The following GPR155 variants were observed in gnomAD, a reference collection of about 807,000 sequenced individuals.
GPR155 encodes G protein-coupled receptor 155.
GPR155 carries 65 observed loss-of-function variants against 93.1 expected under a neutral mutation model. That is an observed-to-expected ratio of 0.70 (90% CI 0.57 to 0.86). The LOEUF is 0.86. Among genes scored for constraint, GPR155 ranks in the 40% least tolerant of loss-of-function variants. GPR155 has a pLI of 0.00. For synonymous variants in GPR155, 319 were observed against 360.1 expected (o/e 0.89, Z 1.29); for missense variants, 838 against 1,034.8 (o/e 0.81, Z 2.61).
At chr2:174,454,739 A>AAG (rs1256892436) in intron 10 of GPR155, among the ~76,000 whole-genome samples, 2 of 129,990 alleles carry the variant, frequency 1.5e-5, no homozygotes, top group African/African-American at 7.3e-5. Flanking sequence ...AAGGGAAGGA[A>AAG]GGAAAAGGAA....
chr2:174,479,606 T>C (rs904305621), intron 2 of GPR155, among the ~76,000 whole-genome samples: 2 of 152,348 alleles, frequency 1.3e-5, no homozygotes, highest in East Asian at 1.9e-4. Flanking sequence ...TTATAAATGT[T>C]AGTTCTATTT....
At chr2:174,472,750 T>C (rs1160164543) in intron 3 of GPR155, among the ~76,000 whole-genome samples, 3 of 152,206 alleles carry the variant, frequency 2.0e-5, no homozygotes, top group African/African-American at 7.2e-5. Context: ...CCATCATCTT[T>C]ATCCTCTGAC....
chr2:174,471,468 T>TAA (rs10581991), intron 3 of GPR155, among the ~76,000 whole-genome samples: 2 of 130,248 alleles, frequency 1.5e-5, no homozygotes, highest in East Asian at 2.1e-4. Flanking sequence ...TTCATCTTTG[T>TAA]AAAAAAAAAA....
chr2:174,463,120 T>C lies in GPR155; in HGVS notation c.1385-1448A>G, dbSNP rs564009413. 4.4e-5 allele frequency among the ~76,000 whole-genome samples: 3 copies of C among 68,194 alleles called. No homozygotes were observed. The East Asian group carries it at 1.6e-3, about 36-fold the overall frequency. 44.7% of individuals were successfully genotyped at this position (68,194 alleles called of 152,430 possible). A position where few individuals can be genotyped will look rare whatever the true frequency, so the allele number is the denominator to read the frequency against. ...ATGAGAAATTTTAAGTCTTTTTTTT[T>C]TCTTTCTTTTTTTTTTTTCAGTGGT... is the stretch of plus-strand genomic sequence containing the variant. On this transcript the variant is annotated intron_variant, in intron 7 of 15. Transcript: ENST00000392552.
chr2:174,481,940 G>A lies in GPR155; in HGVS notation c.17C>T (p.Pro6Leu). The part of the protein sequence containing the change: MNSNL[P>L]AENLTIAVNM... Reference sequence around the variant, plus strand: ...GACTGCAATGGTTAAGTTCTCTGCAGGTAAATTAGAATTCATTTTCTCTCA... The same window carrying A: ...GACTGCAATGGTTAAGTTCTCTGCAAGTAAATTAGAATTCATTTTCTCTCA... The change falls in exon 2 of 16, where the codon CCT becomes CTT. Residue 6 changes from proline to leucine, a missense_variant. By Grantham distance (98) the Pro-to-Leu change is moderately conservative (BLOSUM62 -3). Around this residue, in one of 3 missense-constraint regions of GPR155, gnomAD observed 663 missense variants for 790.1 expected, o/e 0.84. Coordinates refer to ENST00000392552, the MANE Select transcript of GPR155 (RefSeq NM_152529.7). 6.2e-7 allele frequency: 1 copy of A among 1,607,974 alleles called. No individual in the cohort carries two copies. The highest frequency in any genetic ancestry group is 8.5e-7 in the Non-Finnish European group (1 of 1,175,316).
chr2:174,469,112 C>T (rs1176828620), intron 4 of GPR155, 45 bp from the exon 5 acceptor site: 14 of 1,572,742 alleles, frequency 8.9e-6, no homozygotes, highest in Non-Finnish European at 1.1e-5. Context: ...CTCAATTAAA[C>T]AGTATTTTAA....
intron 1 of GPR155, among the ~76,000 whole-genome samples, chr2:174,486,462 C>A (rs1053941836): frequency 6.6e-6 from 1 of 152,136 alleles, no homozygotes; most frequent in Admixed American, 6.5e-5. Flanking sequence ...ACTAACATAC[C>A]CCAAAAACGG....
At chr2:174,466,954 C>T (rs759972545) in intron 5 of GPR155, among the ~76,000 whole-genome samples, 17 of 151,938 alleles carry the variant, frequency 1.1e-4, no homozygotes, top group Non-Finnish European at 2.1e-4. Context: ...GTCAGGAGTT[C>T]GAGACCAGCC....
Position 174,469,021 on chromosome 2 carries a change from A to G in GPR155, c.1073T>C (p.Met358Thr), listed in dbSNP as rs750815131. ...GGTCAGTAACCAGGCAGAAACGTAC[A>G]TGATGGGAGCAGACACAAATGTGCT... ...VISTFVSAPI[M>T]YVSAWLLTFP... The change falls in exon 5 of 16, where the codon ATG becomes ACG. Residue 358 changes from methionine (M) to threonine (T), a missense_variant. Coordinates refer to ENST00000392552, the MANE Select transcript of GPR155 (RefSeq NM_152529.7). 3.1e-6 allele frequency: 5 copies of G among 1,614,098 alleles called. No homozygotes were observed. The East Asian group carries it at 6.7e-5, about 22-fold the overall frequency.
chr2:174,483,679 G>A (rs988018259), intron 1 of GPR155, among the ~76,000 whole-genome samples: 5 of 151,982 alleles, frequency 3.3e-5, no homozygotes, highest in Non-Finnish European at 7.4e-5. Flanking sequence ...CCGCCTCCCA[G>A]GTTCAAGAGA....
Position 174,470,508 on chromosome 2 carries a change from T to C in GPR155, c.908A>G (p.Lys303Arg), listed in dbSNP as rs1166247738. 2 of 1,613,946 alleles carry C rather than the reference T, an allele frequency of 1.2e-6. No homozygotes were observed. Among genetic ancestry groups the C allele is most frequent in the Non-Finnish European group, 1.7e-6 (2 of 1,179,970 alleles). The change falls in exon 4 of 16, where the codon AAG (lysine) becomes AGG (arginine). Residue 303 changes from lysine (K) to arginine (R), a missense_variant. Coordinates refer to ENST00000392552, the MANE Select transcript of GPR155 (RefSeq NM_152529.7). ...LCREMVELLD[K>R]GDSVVNHTSL... The stretch of plus-strand genomic sequence containing the variant: ...TGTATGGTTCACCACACTGTCGCCC[T>C]TGTCCAAGAGTTCCACCATTTCTCT...
At chr2:174,477,245 T>G (rs1033259438) in intron 2 of GPR155, among the ~76,000 whole-genome samples, 1 of 152,082 alleles carries the variant, frequency 6.6e-6, no homozygotes, top group Non-Finnish European at 1.5e-5. Flanking sequence ...TATGTATACA[T>G]TATGGAATGG....
At chr2:174,478,250 G>T (rs1026196423) in intron 2 of GPR155, among the ~76,000 whole-genome samples, 1 of 151,986 alleles carries the variant, frequency 6.6e-6, no homozygotes, top group Non-Finnish European at 1.5e-5. Context: ...TTTATTTTTT[G>T]AGAGACAGGG....
chr2:174,461,303 T>C (rs1226323990), intron 9 of GPR155, 99 bp downstream of exon 9: 15 of 740,384 alleles, frequency 2.0e-5, no homozygotes, highest in Non-Finnish European at 3.3e-5. Flanking sequence ...TAAATTGAAA[T>C]AGATTTTCAA....
At chr2:174,440,149 G>T in intron 14 of GPR155, 114 bp from the exon 15 acceptor site, 1 of 748,610 alleles carries the variant, frequency 1.3e-6, no homozygotes, top group Non-Finnish European at 2.2e-6. Flanking sequence ...CACCAAAGCT[G>T]TCATCTACAA....
chr2:174,471,140 C>T (rs1471878237), intron 3 of GPR155, among the ~76,000 whole-genome samples: 5 of 152,176 alleles, frequency 3.3e-5, no homozygotes, highest in African/African-American at 9.6e-5. Flanking sequence ...GTAATCCCAG[C>T]ACTTTGGGAG....
chr2:174,439,689 T>A (rs913838258), intron 15 of GPR155, among the ~76,000 whole-genome samples: 7 of 152,172 alleles, frequency 4.6e-5, no homozygotes, highest in Non-Finnish European at 7.4e-5. Flanking sequence ...ATGACATTTT[T>A]AAAATATTAA....
In GPR155 at chr2:174,461,651, A is replaced by C. The variant is rs1251191466; in HGVS notation, c.1406T>G (p.Phe469Cys). ...TACCCTCTCTCGCTTTTTCAAAAGA[A>C]ACAAAGAAATTGCTAGAAGGCCTAA... ...LWTGLLAISL[F>C]LLKKRERVQI... Residue 469 changes from phenylalanine (F) to cysteine (C), a missense_variant, in exon 8 of 16, where the codon TTT (phenylalanine) becomes TGT (cysteine). Phe to Cys is a radical substitution (Grantham distance 205). Around this residue, in one of 3 missense-constraint regions of GPR155, gnomAD observed 663 missense variants for 790.1 expected, o/e 0.84. Transcript: ENST00000392552. The C allele has an allele frequency of 1.2e-6, 2 of 1,604,392 alleles. No homozygotes were observed. The highest frequency in any genetic ancestry group is 1.1e-5 in the South Asian group (1 of 90,810).
At chr2:174,472,849 A>G in intron 3 of GPR155, 116 bp downstream of exon 3, 2 of 757,764 alleles carry the variant, frequency 2.6e-6, no homozygotes, top group Non-Finnish European at 4.3e-6. Flanking sequence ...CAACTATTCT[A>G]CAAGGAGGGG....
Sources: gnomAD v4.1 joint callset for allele counts (sites outside exome capture counted in the v4.1 genomes callset) on GRCh38, gnomAD v4.1.1 for gene constraint, gnomAD v4.1.1 regional missense constraint, MANE v1.5 for transcripts, NCBI Gene and HGNC (gene_info 2026-07-23, HGNC 2026-07-21) for gene names.